Variants in CTTNBP2 observed in about 807,000 individuals in gnomAD.
The protein encoded by CTTNBP2 is cortactin-binding protein 2.
In CTTNBP2, 108 loss-of-function variants were observed where a neutral mutation model predicts 156.9. The observed-to-expected ratio is 0.69, with a 90% CI of 0.59 to 0.81. The LOEUF (loss-of-function observed/expected upper bound fraction) is 0.81, where lower values mean the gene tolerates loss of function less well. CTTNBP2 is among the 30% of genes least tolerant of loss of function. CTTNBP2 has a pLI of 0.00. For missense variants in CTTNBP2, 1,924 were observed against 2,035.4 expected, an observed-to-expected ratio of 0.95 and a Z score of 1.05; for synonymous variants, 767 against 751.8, an observed-to-expected ratio of 1.02 and a Z score of -0.33.
chr7:117,808,669 T>C (rs969787727), intron 3 of CTTNBP2, among the ~76,000 whole-genome samples: 8 of 152,232 alleles, frequency 5.3e-5, no homozygotes, highest in African/African-American at 1.9e-4. Context: ...ACATTTGCTC[T>C]GGCAGTGATT....
At chr7:117,806,165 C>A (rs1279001802) in intron 3 of CTTNBP2, among the ~76,000 whole-genome samples, 1 of 152,120 alleles carries the variant, frequency 6.6e-6, no homozygotes, top group Non-Finnish European at 1.5e-5. Context: ...TGGAAGAGCT[C>A]AGAAGAATGA....
intron 2 of CTTNBP2, among the ~76,000 whole-genome samples, chr7:117,846,553 C>G (rs1193981118): frequency 6.6e-6 from 1 of 151,106 alleles, no homozygotes; most frequent in Non-Finnish European, 1.5e-5. Flanking sequence ...AGTCATTGTT[C>G]ATGTACCAAA....
intron 16 of CTTNBP2, among the ~76,000 whole-genome samples, chr7:117,731,801 T>A (rs1386282247): frequency 6.6e-6 from 1 of 152,190 alleles, no homozygotes; most frequent in African/African-American, 2.4e-5. Flanking sequence ...GTTTGTTACG[T>A]GTGCAGTGTC....
chr7:117,729,864 G>GT (rs1795309437), intron 16 of CTTNBP2, among the ~76,000 whole-genome samples: 2 of 152,162 alleles, frequency 1.3e-5, no homozygotes, highest in African/African-American at 4.8e-5. Context: ...GACTTCAGCT[G>GT]GGTCTCTCAC....
intron 2 of CTTNBP2, among the ~76,000 whole-genome samples, chr7:117,827,789 A>G (rs924799100): frequency 4.6e-5 from 7 of 152,258 alleles, no homozygotes; most frequent in African/African-American, 1.7e-4. Context: ...TACTAGGGAT[A>G]ATACAACAGA....
At chr7:117,784,004 A>G (rs1798566421) in intron 5 of CTTNBP2, among the ~76,000 whole-genome samples, 1 of 152,236 alleles carries the variant, frequency 6.6e-6, no homozygotes, top group African/African-American at 2.4e-5. Flanking sequence ...AATGCAAACT[A>G]ATCTTTGCAT....
Position 117,782,960 on chromosome 7 carries a change from G to A in CTTNBP2, c.2274C>T (p.Asp758=). Residue 758 remains aspartate (D), a splice_region_variant and synonymous_variant, in exon 6 of 23, where the codon GAC becomes GAT. Transcript: ENST00000160373. ...CTGCACTCAGCAGCAATCTCACACA[G>A]TCTATGGATTTTAATAGAAAGCCAT... is the stretch of plus-strand genomic sequence containing the variant. ...LYSAAKNGHT[D]CVRLLLSAEA... 2 of 1,610,342 alleles carry A rather than the reference G, an allele frequency of 1.2e-6. No homozygotes were observed. Among genetic ancestry groups the A allele is most frequent in the South Asian group, 1.1e-5 (1 of 90,388 alleles).
intron 3 of CTTNBP2, among the ~76,000 whole-genome samples, chr7:117,794,572 A>G (rs1434598159): frequency 6.6e-6 from 1 of 152,222 alleles, no homozygotes; most frequent in Non-Finnish European, 1.5e-5. Flanking sequence ...ACCCTGTTAC[A>G]AAAATCCACG....
At chr7:117,759,117 AT>A (rs201089983) in intron 10 of CTTNBP2, among the ~76,000 whole-genome samples, 63 of 150,596 alleles carry the variant, frequency 4.2e-4, no homozygotes, top group Non-Finnish European at 5.2e-4. Context: ...CAATTCTATA[AT>A]TTTTTTTTTA....
At position 117,760,502 on chromosome 7, in the gene CTTNBP2, C is replaced by G. The variant is rs771270460; in HGVS notation, c.3105G>C (p.Val1035=). The G allele has an allele frequency of 6.2e-7, 1 of 1,614,138 alleles. No homozygotes were observed. Residue 1035 remains valine, a synonymous_variant, in exon 10 of 23, where the codon GTG becomes GTC. Transcript: ENST00000160373. ...SSDGWWSLED[V]TCNNTTDSNI... Reference sequence around the variant, plus strand: ...TGGAATCAGTGGTGTTATTGCAAGTCACGTCTTCCAGACTCCACCATCCAT... The same window carrying G: ...TGGAATCAGTGGTGTTATTGCAAGTGACGTCTTCCAGACTCCACCATCCAT...
At chr7:117,781,521 A>G (rs1438464704) in intron 6 of CTTNBP2, among the ~76,000 whole-genome samples, 1 of 152,170 alleles carries the variant, frequency 6.6e-6, no homozygotes, top group African/African-American at 2.4e-5. Context: ...GGGACAGATG[A>G]CGAAGTCAGG....
chr7:117,789,769 ATCC>A (rs1798891762), intron 4 of CTTNBP2, among the ~76,000 whole-genome samples: 2 of 152,156 alleles, frequency 1.3e-5, no homozygotes, highest in Admixed American at 6.5e-5. Flanking sequence ...ATAGGATCCA[ATCC>A]TCCTAACAGC....
intron 4 of CTTNBP2, among the ~76,000 whole-genome samples, chr7:117,784,873 G>C (rs769283870): frequency 6.6e-6 from 1 of 152,238 alleles, no homozygotes; most frequent in Admixed American, 6.5e-5. Context: ...AAAGTAAACT[G>C]ATATTTTTAG....
At chr7:117,777,434 C>A in intron 8 of CTTNBP2, 77 bp downstream of exon 8, 1 of 1,427,674 alleles carries the variant, frequency 7.0e-7, no homozygotes, top group Non-Finnish European at 9.6e-7. Context: ...AATTTAAGTG[C>A]ACTTAATCTA....
At chr7:117,864,633 T>TATATATATTCATATATCTAGATGTATGA (rs1448784878) in intron 1 of CTTNBP2, among the ~76,000 whole-genome samples, 3 of 148,736 alleles carry the variant, frequency 2.0e-5, no homozygotes, top group Admixed American at 6.8e-5. Context: ...TTTGTTAGAA[T>TATATATATTCATATATCTAGATGTATGA]ATATATATTC....
At position 117,791,719 on chromosome 7, in the gene CTTNBP2, T is replaced by C; in HGVS notation, c.1477A>G (p.Thr493Ala). 1.2e-6 allele frequency: 2 copies of C among 1,614,152 alleles called. No individual in the cohort carries two copies. The highest frequency in any genetic ancestry group is 1.7e-6 in the Non-Finnish European group (2 of 1,180,028). The change falls in exon 4 of 23, where the codon ACC becomes GCC. Residue 493 changes from threonine to alanine, a missense_variant. By Grantham distance (58) the Thr-to-Ala change is moderately conservative. Coordinates refer to ENST00000160373, the MANE Select transcript of CTTNBP2 (RefSeq NM_033427.3). ...CTTGTAAATCTTGACAGTGCTTGGG[T>C]CACAGTATTCCGAGCTAGTTGTTTG... ...VAKQLARNTVTQALSRFTSPQ... is the reference protein window; with the variant it reads ...VAKQLARNTVAQALSRFTSPQ...
chr7:117,840,058 T>C (rs1802181631), intron 2 of CTTNBP2, among the ~76,000 whole-genome samples: 1 of 152,198 alleles, frequency 6.6e-6, no homozygotes, highest in African/African-American at 2.4e-5. Flanking sequence ...TATATACATA[T>C]ACATACATGC....
At chr7:117,794,185 G>A (rs1420453577) in intron 3 of CTTNBP2, among the ~76,000 whole-genome samples, 1 of 152,096 alleles carries the variant, frequency 6.6e-6, no homozygotes, top group Non-Finnish European at 1.5e-5. Context: ...TAAGTGGGCA[G>A]CCTCACAGTG....
rs1291991802 is a variant in CTTNBP2 at position 117,782,844 on chromosome 7, G to T, written c.2372+18C>A. On this transcript the variant is annotated intron_variant, in intron 6 of 22. Transcript: ENST00000160373. Reference sequence around the variant, plus strand: ...GGCTCCTTTGATGGTGGGAAAAAAAGAATTAAGAGCAACTTACTCGAAATG... The same window carrying T: ...GGCTCCTTTGATGGTGGGAAAAAAATAATTAAGAGCAACTTACTCGAAATG... 1 of 1,585,706 alleles carries T rather than the reference G, an allele frequency of 6.3e-7. No homozygotes were observed. Among genetic ancestry groups the T allele is most frequent in the Non-Finnish European group, 8.6e-7 (1 of 1,159,606 alleles).
Sources: allele counts gnomAD v4.1 joint callset (sites outside exome capture counted in the v4.1 genomes callset), GRCh38; gene constraint gnomAD v4.1.1; transcripts MANE v1.5; gene names NCBI Gene and HGNC (gene_info 2026-07-23, HGNC 2026-07-21).